The following ZPLD1 variants were observed in gnomAD, a reference collection of about 807,000 sequenced individuals.
The protein encoded by ZPLD1 is zona pellucida-like domain-containing protein 1.
In ZPLD1, 34 loss-of-function variants were observed where a neutral mutation model predicts 47.2. The observed-to-expected ratio is 0.72, with a 90% confidence interval of 0.55 to 0.96. The LOEUF is 0.96. Ranked by LOEUF, ZPLD1 falls within the 40% of genes least tolerant of loss-of-function variation. ZPLD1 has a pLI of 0.00. For missense variants in ZPLD1, 512 were observed against 505.8 expected (o/e 1.01, Z -0.12); for synonymous variants, 176 against 186.2 (o/e 0.95, Z 0.45).
chr3:102,472,771 G>A (rs1028187311), intron 10 of ZPLD1, among the ~76,000 whole-genome samples: 12 of 152,130 alleles, frequency 7.9e-5, no homozygotes, highest in African/African-American at 2.9e-4. Context: ...TGTTCATCTT[G>A]GGTAGATGGC....
At chr3:102,452,884 G>C (rs774989771) in intron 3 of ZPLD1, 35 bp from the exon 4 acceptor site, 1 of 1,602,546 alleles carries the variant, frequency 6.2e-7, no homozygotes, top group South Asian at 1.1e-5. Context: ...CTGCTTTTCT[G>C]ACTTATGTTT....
At chr3:102,451,653 G>C (rs1317675077) in intron 3 of ZPLD1, among the ~76,000 whole-genome samples, 1 of 152,104 alleles carries the variant, frequency 6.6e-6, no homozygotes, top group Non-Finnish European at 1.5e-5. Context: ...AATCCAGGCA[G>C]GGCCATGCTC....
At chr3:102,411,310 G>A (rs1321918459) in intron 7 of ZPLD1, among the ~76,000 whole-genome samples, 1 of 151,712 alleles carries the variant, frequency 6.6e-6, no homozygotes, top group Non-Finnish European at 1.5e-5. Flanking sequence ...GGGGTACACA[G>A]GCTCAATTCA....
intron 8 of ZPLD1, among the ~76,000 whole-genome samples, chr3:102,425,195 A>G (rs1706929073): frequency 6.6e-6 from 1 of 152,110 alleles, no homozygotes; most frequent in Non-Finnish European, 1.5e-5. Flanking sequence ...ACCAAACTAA[A>G]CAGCTATTGT....
At chr3:102,389,683 G>A (rs1706473938) in intron 6 of ZPLD1, among the ~76,000 whole-genome samples, 1 of 152,102 alleles carries the variant, frequency 6.6e-6, no homozygotes, top group Admixed American at 6.5e-5. Flanking sequence ...AGGTTAACGT[G>A]GTTCATTTAT....
At chr3:102,387,525 A>G (rs1576120193) in intron 6 of ZPLD1, among the ~76,000 whole-genome samples, 1 of 152,154 alleles carries the variant, frequency 6.6e-6, no homozygotes, top group Non-Finnish European at 1.5e-5. Flanking sequence ...GCCCTTTTTC[A>G]TACTCTTAAC....
chr3:102,466,870 A>G (rs766170404), intron 8 of ZPLD1, among the ~76,000 whole-genome samples: 6 of 152,080 alleles, frequency 3.9e-5, no homozygotes, highest in Non-Finnish European at 5.9e-5. Context: ...CATAATTAGA[A>G]TTGTCCCCCC....
chr3:102,453,849 T>G (rs1707374982), intron 4 of ZPLD1, among the ~76,000 whole-genome samples: 1 of 152,166 alleles, frequency 6.6e-6, no homozygotes, highest in South Asian at 2.1e-4. Context: ...AAAATAGAGT[T>G]AAATAAGGAA....
chr3:102,454,395 G>A (rs1484624451), intron 4 of ZPLD1, among the ~76,000 whole-genome samples: 3 of 152,162 alleles, frequency 2.0e-5, no homozygotes, highest in African/African-American at 7.2e-5. Flanking sequence ...ATGTGGAGAT[G>A]AGCAGCATTT....
Position 102,470,923 on chromosome 3 carries a change from C to G in ZPLD1, c.1042+421C>G, listed in dbSNP as rs554374570. ...CCTCCAGGGTAGCTGAGATTACAGGCGCCTGCCACCATACCTGGCTAATTT... is the reference window on the plus strand; with the variant it reads ...CCTCCAGGGTAGCTGAGATTACAGGGGCCTGCCACCATACCTGGCTAATTT... On this transcript the variant is annotated intron_variant, in intron 10 of 11. Transcript: ENST00000466937. Among the ~76,000 whole-genome samples the G allele has an allele frequency of 5.9e-5, 9 of 152,080 alleles. No homozygotes were observed. In the South Asian group the frequency reaches 1.9e-3, roughly 32 times the overall value.
intron 7 of ZPLD1, among the ~76,000 whole-genome samples, chr3:102,392,918 A>G (rs992979733): frequency 6.6e-6 from 1 of 152,182 alleles, no homozygotes; most frequent in Admixed American, 6.5e-5. Context: ...TTTGGATGTT[A>G]TATAACTCAG....
intron 3 of ZPLD1, among the ~76,000 whole-genome samples, chr3:102,441,994 C>A (rs1285147527): frequency 6.6e-6 from 1 of 152,160 alleles, no homozygotes; most frequent in Non-Finnish European, 1.5e-5. Context: ...ATAAGGCTAC[C>A]ATCTCCCTTG....
intron 7 of ZPLD1, among the ~76,000 whole-genome samples, chr3:102,416,720 C>A (rs1317958367): frequency 6.6e-6 from 1 of 151,844 alleles, no homozygotes; most frequent in East Asian, 1.9e-4. Flanking sequence ...GAGTGCTTAA[C>A]CCCCTCAAAT....
intron 9 of ZPLD1, among the ~76,000 whole-genome samples, chr3:102,469,598 T>A (rs991011197): frequency 1.4e-4 from 22 of 152,144 alleles, no homozygotes; most frequent in African/African-American, 5.3e-4. Flanking sequence ...GGCCAAACGA[T>A]GGTCAAAGAC....
intron 4 of ZPLD1, among the ~76,000 whole-genome samples, chr3:102,455,871 G>A (rs894303390): frequency 1.3e-5 from 2 of 152,106 alleles, no homozygotes; most frequent in African/African-American, 4.8e-5. Context: ...TATTAACAGG[G>A]TTTTTTTCAG....
upstream of ZPLD1, among the ~76,000 whole-genome samples, chr3:102,431,085 A>C (rs1707010566): frequency 6.6e-6 from 1 of 152,222 alleles, no homozygotes; most frequent in African/African-American, 2.4e-5. Context: ...CCCAAAACTC[A>C]GATTGTACAA....
At chr3:102,436,554 A>G (rs1272229049) in intron 1 of ZPLD1, among the ~76,000 whole-genome samples, 1 of 152,218 alleles carries the variant, frequency 6.6e-6, no homozygotes, top group Admixed American at 6.5e-5. Flanking sequence ...TTGTTCAACA[A>G]ACTTTACTAT....
chr3:102,397,193 G>A (rs947825049), intron 7 of ZPLD1, among the ~76,000 whole-genome samples: 1 of 151,986 alleles, frequency 6.6e-6, no homozygotes, highest in Non-Finnish European at 1.5e-5. Context: ...TCTACTTTGT[G>A]CATACCCAGT....
chr3:102,395,390 T>G (rs1238448802), intron 7 of ZPLD1, among the ~76,000 whole-genome samples: 1 of 152,128 alleles, frequency 6.6e-6, no homozygotes, highest in African/African-American at 2.4e-5. Context: ...ATATGGGTCT[T>G]GATAAGGAGA....
Sources: allele counts gnomAD v4.1 joint callset (sites outside exome capture counted in the v4.1 genomes callset), GRCh38; gene constraint gnomAD v4.1.1; transcripts MANE v1.5; gene names NCBI Gene and HGNC (gene_info 2026-07-23, HGNC 2026-07-21).